Variants in KLHL32 observed in about 807,000 individuals in gnomAD.
KLHL32 encodes kelch-like protein 32.
KLHL32 carries 35 observed loss-of-function variants against 64.8 expected under a neutral mutation model. The observed-to-expected ratio is 0.54, with a 90% CI of 0.41 to 0.72. The LOEUF is 0.72. Ranked by LOEUF, KLHL32 falls within the 30% of genes least tolerant of loss-of-function variation. The probability of loss-of-function intolerance (pLI) is 0.00; values close to 1 mark genes in which losing one functional copy is unlikely to be tolerated. For missense variants in KLHL32, 589 were observed against 768.5 expected (o/e 0.77, Z 2.76); for synonymous variants, 259 against 281.0 (o/e 0.92, Z 0.78).
intron 6 of KLHL32, among the ~76,000 whole-genome samples, chr6:97,091,749 T>G (rs1361683388): frequency 6.6e-6 from 1 of 152,244 alleles, no homozygotes; most frequent in Non-Finnish European, 1.5e-5. Context: ...GATAGTTGTA[T>G]GCACCCTCTA....
chr6:96,900,802 C>T, the KLHL32 span, among the ~76,000 whole-genome samples: 2 of 152,170 alleles, frequency 1.3e-5, no homozygotes, highest in African/African-American at 4.8e-5. Flanking sequence ...TAGTGAGGAG[C>T]ACAACAGATT....
chr6:97,086,602 C>T (rs906268823), intron 6 of KLHL32, among the ~76,000 whole-genome samples: 1 of 152,116 alleles, frequency 6.6e-6, no homozygotes, highest in African/African-American at 2.4e-5. Flanking sequence ...CTAACACCTG[C>T]CCCCATGTCT....
In KLHL32 at chr6:97,130,949, G is replaced by A; in HGVS notation, c.1606G>A (p.Gly536Ser). ...WTRCNFNLLT[G>S]QNESGVAVHN... ...ACGTTGTAATTTCAACCTGCTGACT[G>A]GCAAGTACCTTTGATTAAGTAAATC... The change falls in exon 9 of 11, where the codon GGC becomes AGC. Residue 536 changes from glycine (G) to serine (S), a missense_variant and splice_region_variant. By Grantham distance (56) the Gly-to-Ser change is moderately conservative. Coordinates refer to ENST00000369261, the MANE Select transcript of KLHL32 (RefSeq NM_052904.4). 1.2e-6 allele frequency: 2 copies of A among 1,606,862 alleles called. No individual in the cohort carries two copies. Among genetic ancestry groups the A allele is most frequent in the Non-Finnish European group, 1.7e-6 (2 of 1,176,008 alleles).
chr6:97,068,487 A>T (rs1272356774), intron 5 of KLHL32, among the ~76,000 whole-genome samples: 1 of 152,212 alleles, frequency 6.6e-6, no homozygotes, highest in Admixed American at 6.5e-5. Context: ...AAGAAAAATT[A>T]TTTATTTTGC....
At chr6:97,099,246 C>T (rs529283348) in intron 6 of KLHL32, among the ~76,000 whole-genome samples, 4 of 152,354 alleles carry the variant, frequency 2.6e-5, no homozygotes, top group South Asian at 2.1e-4. Context: ...CACCCCTCAA[C>T]GGTGATATTC....
At chr6:97,058,851 C>G (rs1788427469) in intron 4 of KLHL32, among the ~76,000 whole-genome samples, 1 of 152,208 alleles carries the variant, frequency 6.6e-6, no homozygotes, top group Non-Finnish European at 1.5e-5. Context: ...TGGCCTAATC[C>G]AAATGTTATT....
intron 3 of KLHL32, among the ~76,000 whole-genome samples, chr6:97,026,960 G>A (rs921802407): frequency 3.3e-5 from 5 of 151,992 alleles, no homozygotes; most frequent in African/African-American, 1.2e-4. Context: ...TCAGGAATTC[G>A]AGACCAGCCC....
chr6:96,919,805 C>G (rs1204733709), upstream of KLHL32, among the ~76,000 whole-genome samples: 1 of 152,102 alleles, frequency 6.6e-6, no homozygotes, highest in East Asian at 1.9e-4. Flanking sequence ...CAGAGAAAAT[C>G]AAGTTGCTTA....
In KLHL32 at chr6:96,926,757, C is replaced by T. The variant is rs562223252; in HGVS notation, c.-66+1731C>T. Among the ~76,000 whole-genome samples, 6 of 152,194 alleles carry T rather than the reference C, an allele frequency of 3.9e-5. 1 individual carries two copies. The South Asian group carries it at 1.0e-3, about 26-fold the overall frequency. ...GAGGCAGCTCCCACTCCACTGTAGC[C>T]GATTGTTACTGTCCAGGCTCTAAAA... On this transcript the variant is annotated intron_variant, in intron 1 of 10. Coordinates refer to ENST00000369261, the MANE Select transcript of KLHL32 (RefSeq NM_052904.4).
intron 3 of KLHL32, among the ~76,000 whole-genome samples, chr6:97,025,293 G>A (rs906620992): frequency 1.3e-5 from 2 of 152,204 alleles, no homozygotes; most frequent in Admixed American, 1.3e-4. Context: ...CCCATCTGAT[G>A]TTGACTGCAT....
intron 3 of KLHL32, among the ~76,000 whole-genome samples, chr6:97,039,314 C>G (rs1163075729): frequency 2.0e-5 from 3 of 151,928 alleles, no homozygotes; most frequent in African/African-American, 7.3e-5. Context: ...AGTTGTCACT[C>G]ATATGTGAGA....
At chr6:96,984,163 G>C (rs564049434) in intron 3 of KLHL32, among the ~76,000 whole-genome samples, 9 of 152,304 alleles carry the variant, frequency 5.9e-5, no homozygotes, top group Admixed American at 5.9e-4. Context: ...GGAGCAGGTT[G>C]TTCAGTTTCC....
intron 3 of KLHL32, among the ~76,000 whole-genome samples, chr6:96,982,312 T>A (rs1373816992): frequency 6.6e-6 from 1 of 152,222 alleles, no homozygotes; most frequent in African/African-American, 2.4e-5. Context: ...AATGCCCTTC[T>A]TTGTCTTCTT....
intron 3 of KLHL32, among the ~76,000 whole-genome samples, chr6:97,032,667 A>T (rs754249079): frequency 4.0e-5 from 6 of 150,830 alleles, no homozygotes; most frequent in Non-Finnish European, 7.4e-5. Flanking sequence ...ATCAGGGGCA[A>T]TTACAACTTG....
rs536467207 is a variant in KLHL32, at chr6:96,967,074, G to A, written c.14G>A (p.Arg5His). The A allele has an allele frequency of 2.1e-5, 34 of 1,613,574 alleles. No individual in the cohort carries two copies. Among genetic ancestry groups the A allele is most frequent in the Middle Eastern group, 1.7e-4 (1 of 5,952 alleles). The change falls in exon 2 of 11, where the codon CGC becomes CAC. Residue 5 changes from arginine (R) to histidine (H), a missense_variant. This residue lies in a region of KLHL32 where 191 missense variants were observed against 223.3 expected (regional missense o/e 0.86). Coordinates refer to ENST00000369261, the MANE Select transcript of KLHL32 (RefSeq NM_052904.4). MPSERCLSIQEMLTG... is the reference protein window; with the variant it reads MPSEHCLSIQEMLTG... ...CCCAGCTGGAAAATGCCGTCTGAACGCTGCCTCAGGTATGCCCTGTAGGAT... is the reference window on the plus strand; with the variant it reads ...CCCAGCTGGAAAATGCCGTCTGAACACTGCCTCAGGTATGCCCTGTAGGAT...
chr6:97,064,915 A>T, intron 5 of KLHL32, among the ~76,000 whole-genome samples, 189 bp downstream of exon 5: 1 of 152,132 alleles, frequency 6.6e-6, no homozygotes, highest in East Asian at 1.9e-4. Flanking sequence ...GCATCCAATC[A>T]CAGAAGCAGG....
At chr6:96,957,724 T>C (rs1240873250) in intron 1 of KLHL32, among the ~76,000 whole-genome samples, 1 of 152,164 alleles carries the variant, frequency 6.6e-6, no homozygotes, top group Non-Finnish European at 1.5e-5. Flanking sequence ...TGAAAAGGCA[T>C]GTGCTAATGT....
intron 3 of KLHL32, among the ~76,000 whole-genome samples, chr6:96,991,211 G>A (rs1282985969): frequency 6.6e-6 from 1 of 151,952 alleles, no homozygotes; most frequent in Non-Finnish European, 1.5e-5. Flanking sequence ...CAGAGGGTCT[G>A]TTGGTTGCCT....
At chr6:97,073,615 T>C (rs574630432) in intron 5 of KLHL32, among the ~76,000 whole-genome samples, 2 of 152,332 alleles carry the variant, frequency 1.3e-5, no homozygotes, top group African/African-American at 4.8e-5. Context: ...ACATATTGTC[T>C]GATTGGATTC....
Sources: gnomAD v4.1 joint callset for allele counts (sites outside exome capture counted in the v4.1 genomes callset) on GRCh38, gnomAD v4.1.1 for gene constraint, gnomAD v4.1.1 regional missense constraint, MANE v1.5 for transcripts, NCBI Gene and HGNC (gene_info 2026-07-23, HGNC 2026-07-21) for gene names.